The following SKAP2 variants were observed in gnomAD, a reference collection of about 807,000 sequenced individuals.
SKAP2 encodes src kinase-associated phosphoprotein 2.
In SKAP2, 28 loss-of-function variants were observed where a neutral mutation model predicts 54.9. The ratio of observed to expected loss-of-function variants is 0.51; its 90% CI spans 0.38 to 0.70. The LOEUF is 0.70. Among genes scored for constraint, SKAP2 ranks in the 30% least tolerant of loss-of-function variants. The pLI is 0.00. For synonymous variants in SKAP2, 137 were observed against 134.3 expected, an observed-to-expected ratio of 1.02 and a Z score of -0.14; for missense variants, 356 against 424.1, an observed-to-expected ratio of 0.84 and a Z score of 1.41.
At chr7:26,693,456 T>C (rs1786832840) in intron 9 of SKAP2, among the ~76,000 whole-genome samples, 1 of 151,944 alleles carries the variant, frequency 6.6e-6, no homozygotes, top group Non-Finnish European at 1.5e-5. Context: ...AAGTTAACAA[T>C]GAATTTAGAA....
intron 4 of SKAP2, among the ~76,000 whole-genome samples, chr7:26,815,374 ATAGGAT>A (rs1784244558): frequency 6.6e-6 from 1 of 152,196 alleles, no homozygotes; most frequent in Non-Finnish European, 1.5e-5. Flanking sequence ...GACACATAAT[ATAGGAT>A]TTGTTTAGGT....
chr7:26,729,698 T>C (rs1185098988), intron 6 of SKAP2, among the ~76,000 whole-genome samples: 1 of 151,430 alleles, frequency 6.6e-6, no homozygotes, highest in South Asian at 2.1e-4. Flanking sequence ...AGATAGAAAA[T>C]AAGAATAAGG....
At chr7:26,756,169 T>A (rs538877037) in intron 4 of SKAP2, among the ~76,000 whole-genome samples, 3 of 152,346 alleles carry the variant, frequency 2.0e-5, no homozygotes, top group South Asian at 2.1e-4. Flanking sequence ...TATACTTTTT[T>A]AATACTTTTT....
chr7:26,744,827 A>C (rs184049376), intron 4 of SKAP2, among the ~76,000 whole-genome samples: 3 of 152,270 alleles, frequency 2.0e-5, no homozygotes, highest in African/African-American at 7.2e-5. Context: ...AATATAAGAC[A>C]TCATTACCAA....
chr7:26,749,609 A>T (rs1397030934), intron 4 of SKAP2, among the ~76,000 whole-genome samples: 1 of 151,924 alleles, frequency 6.6e-6, no homozygotes, highest in Non-Finnish European at 1.5e-5. Context: ...TTACCCAGGC[A>T]TGGTAACTCA....
intron 6 of SKAP2, among the ~76,000 whole-genome samples, chr7:26,729,214 G>A (rs1186368135): frequency 6.6e-6 from 1 of 152,054 alleles, no homozygotes; most frequent in Non-Finnish European, 1.5e-5. Context: ...CCAAGAGGAG[G>A]ACAGTATCAG....
At chr7:26,763,355 C>G (rs1782975524) in intron 4 of SKAP2, among the ~76,000 whole-genome samples, 1 of 151,712 alleles carries the variant, frequency 6.6e-6, no homozygotes. Context: ...CAAGGGATTC[C>G]AAAAATTTAC....
intron 9 of SKAP2, among the ~76,000 whole-genome samples, chr7:26,711,371 A>G (rs1411981746): frequency 6.6e-6 from 1 of 152,216 alleles, no homozygotes; most frequent in Non-Finnish European, 1.5e-5. Flanking sequence ...TGATCATCTG[A>G]GTACCCACCC....
intron 4 of SKAP2, among the ~76,000 whole-genome samples, chr7:26,809,615 G>A (rs1442334854): frequency 6.6e-6 from 1 of 152,192 alleles, no homozygotes; most frequent in East Asian, 1.9e-4. Context: ...CAGTGTTTGT[G>A]AGGATGTGAA....
intron 4 of SKAP2, among the ~76,000 whole-genome samples, chr7:26,786,495 A>G (rs1273219941): frequency 2.6e-5 from 4 of 152,212 alleles, no homozygotes; most frequent in Admixed American, 2.0e-4. Context: ...AGAGGTGACC[A>G]ATGAGCTGAA....
chr7:26,696,943 C>T (rs1194283184), intron 9 of SKAP2, among the ~76,000 whole-genome samples: 1 of 151,984 alleles, frequency 6.6e-6, no homozygotes, highest in Non-Finnish European at 1.5e-5. Context: ...CCCATACACA[C>T]ACAAATCAGA....
intron 11 of SKAP2, among the ~76,000 whole-genome samples, chr7:26,673,263 T>C (rs554785116): frequency 6.6e-6 from 1 of 152,180 alleles, no homozygotes; most frequent in East Asian, 1.9e-4. Flanking sequence ...TATTCAGCTC[T>C]TAACATCAGC....
rs556473061 is a variant in SKAP2 at position 26,674,317 on chromosome 7, T to C, written c.988-4125A>G. ...TTTCCAAGTATTCTTCATTGTGATA[T>C]CTTTATTCATAAACACTGTAATACT... On this transcript the variant is annotated intron_variant, in intron 11 of 12. Transcript: ENST00000345317. 6.2e-4 allele frequency among the ~76,000 whole-genome samples: 94 copies of C among 152,264 alleles called. 1 individual carries two copies. The highest frequency in any genetic ancestry group is 1.1e-3 in the Non-Finnish European group (73 of 68,014).
At chr7:26,806,495 A>G (rs919397692) in intron 4 of SKAP2, among the ~76,000 whole-genome samples, 2 of 152,214 alleles carry the variant, frequency 1.3e-5, no homozygotes, top group Admixed American at 1.3e-4. Flanking sequence ...GAAGCCCTTG[A>G]GCCTGGGAAT....
chr7:26,735,135 C>T (rs574766137), intron 6 of SKAP2, among the ~76,000 whole-genome samples: 2 of 152,276 alleles, frequency 1.3e-5, no homozygotes, highest in South Asian at 4.1e-4. Flanking sequence ...CTGATATCCA[C>T]AAAACCCAAA....
At chr7:26,681,519 C>T (rs1196738033) in intron 11 of SKAP2, among the ~76,000 whole-genome samples, 4 of 152,112 alleles carry the variant, frequency 2.6e-5, no homozygotes, top group Admixed American at 2.6e-4. Flanking sequence ...TCTTGTTTTG[C>T]CTAAATGTTT....
chr7:26,798,615 A>C (rs934904131), intron 4 of SKAP2, among the ~76,000 whole-genome samples: 4 of 152,208 alleles, frequency 2.6e-5, no homozygotes, highest in Non-Finnish European at 5.9e-5. Flanking sequence ...AAAACACAGA[A>C]TAGTATCACA....
In SKAP2 at chr7:26,864,380, A is replaced by G. The variant is rs1785331088; in HGVS notation, c.50T>C (p.Ile17Thr). The change falls in exon 1 of 13, where the codon ATT becomes ACT. Residue 17 changes from isoleucine (I) to threonine (T), a missense_variant. Ile to Thr is a moderately conservative substitution (Grantham distance 89). Coordinates refer to ENST00000345317, the MANE Select transcript of SKAP2 (RefSeq NM_003930.5). Reference protein sequence around the residue: ...TSSPYPLPEEIRNLLADVETF... With the variant: ...TSSPYPLPEETRNLLADVETF... Reference sequence around the variant, plus strand: ...CTCTTTACCTGCCAACAGGTTCCTAATTTCCTCAGGGAGGGGGTAGGGAGA... The same window carrying G: ...CTCTTTACCTGCCAACAGGTTCCTAGTTTCCTCAGGGAGGGGGTAGGGAGA... The G allele has an allele frequency of 6.2e-7, 1 of 1,613,178 alleles. No homozygotes were observed. The highest frequency in any genetic ancestry group is 8.5e-7 in the Non-Finnish European group (1 of 1,179,580).
intron 4 of SKAP2, among the ~76,000 whole-genome samples, chr7:26,816,477 A>G (rs188547836): frequency 3.3e-5 from 5 of 152,230 alleles, no homozygotes; most frequent in Non-Finnish European, 7.4e-5. Context: ...AAGAAAATTT[A>G]GGCTATCAAT....
Sources: allele counts gnomAD v4.1 joint callset (sites outside exome capture counted in the v4.1 genomes callset), GRCh38; gene constraint gnomAD v4.1.1; transcripts MANE v1.5; gene names NCBI Gene and HGNC (gene_info 2026-07-23, HGNC 2026-07-21).